The following ABCA9 variants were observed in gnomAD, a reference collection of about 807,000 sequenced individuals.
The protein encoded by ABCA9 is ATP-binding cassette sub-family A member 9.
Under a neutral mutation model 205.3 loss-of-function variants are expected in ABCA9, and 183 were observed. The ratio of observed to expected loss-of-function variants is 0.89; its 90% CI spans 0.79 to 1.01. The LOEUF is 1.01. Among genes scored for constraint, ABCA9 ranks in the 50% least tolerant of loss-of-function variants. The pLI is 0.00. For synonymous variants in ABCA9, 651 were observed against 683.3 expected (o/e 0.95, Z 0.74); for missense variants, 1,805 against 1,912.4 (o/e 0.94, Z 1.05).
At chr17:69,012,379 A>G (rs1450825656) in intron 22 of ABCA9, 2 of 254,746 alleles carry the variant, frequency 7.9e-6, no homozygotes, top group African/African-American at 4.5e-5. Flanking sequence ...CTTTTCTCTG[A>G]CTTTATGGTT....
At chr17:68,987,756 TTG>T (rs2069286589) in intron 31 of ABCA9, among the ~76,000 whole-genome samples, 1 of 88,376 alleles carries the variant, frequency 1.1e-5, no homozygotes, top group African/African-American at 3.0e-5. Context: ...GTTTGTTTGT[TTG>T]TTTGTTTGTT....
rs1567949506 is a variant in ABCA9, at chr17:69,020,598, GATCA to G, written c.2402-16_2402-13del. On this transcript the variant is annotated splice_polypyrimidine_tract_variant and intron_variant, in intron 18 of 38. Transcript: ENST00000340001. ...CCAAATTCCAATATCTAAAACATAA[GATCA>G]ATATTTTATAAAGTGCCATTTTAGT... 1.9e-6 allele frequency: 3 copies of G among 1,605,264 alleles called. No individual in the cohort carries two copies. Among genetic ancestry groups the G allele is most frequent in the Non-Finnish European group, 2.6e-6 (3 of 1,174,414 alleles).
intron 20 of ABCA9, 115 bp downstream of exon 20, chr17:69,018,298 A>G (rs2070699365): frequency 2.1e-6 from 2 of 942,866 alleles, no homozygotes; most frequent in South Asian, 2.6e-5. Context: ...GTTTGGCCTC[A>G]TATATGCTTT....
At chr17:69,012,504 T>G (rs2070417238) in intron 22 of ABCA9, among the ~76,000 whole-genome samples, 1 of 151,874 alleles carries the variant, frequency 6.6e-6, no homozygotes, top group Admixed American at 6.6e-5. Flanking sequence ...CCCTCCATGT[T>G]AGGCACTATG....
At chr17:69,014,888 G>A (rs2070524065) in intron 22 of ABCA9, among the ~76,000 whole-genome samples, 2 of 152,148 alleles carry the variant, frequency 1.3e-5, no homozygotes, top group African/African-American at 4.8e-5. Flanking sequence ...AAGAGACTCT[G>A]CAACCCTGGG....
chr17:69,018,619 C>G lies in ABCA9; in HGVS notation c.2601-40G>C, dbSNP rs2144273225. ...ATGTAAAAGAAAAAAATAATTTTAG[C>G]AACTTTTGTGGGTTTTTAAGTTTGA... On this transcript the variant is annotated intron_variant, in intron 19 of 38. Transcript: ENST00000340001. 3 of 1,485,734 alleles carry G rather than the reference C, an allele frequency of 2.0e-6. No individual in the cohort carries two copies. In the South Asian group the frequency reaches 4.0e-5, roughly 20 times the overall value. The allele number at this position is 1,485,734 out of a possible 1,614,324, so 92.0% of individuals were successfully genotyped here. A position where few individuals can be genotyped will look rare whatever the true frequency, so the allele number is the denominator to read the frequency against.
intron 19 of ABCA9, chr17:69,020,035 C>T: frequency 5.1e-6 from 1 of 195,636 alleles, no homozygotes. Flanking sequence ...GGTTTCATTT[C>T]CCTGGGGAAC....
At position 69,000,925 on chromosome 17, in the gene ABCA9, G is replaced by C. The variant is rs558372423; in HGVS notation, c.3436-4911C>G. ...TCACTCATGATTTGGCTCTCTGTTT[G>C]TCTGTTGTTGTATAGGAATGCTTGT... On this transcript the variant is annotated intron_variant, in intron 25 of 38. Transcript: ENST00000340001. Among the ~76,000 whole-genome samples the C allele has an allele frequency of 7.1e-4, 98 of 137,076 alleles. 1 individual carries two copies. Among genetic ancestry groups the C allele is most frequent in the African/African-American group, 3.5e-3 (95 of 27,278 alleles). The allele number at this position is 137,076 out of a possible 152,430, so 89.9% of individuals were successfully genotyped here. A position where few individuals can be genotyped will look rare whatever the true frequency, so the allele number is the denominator to read the frequency against.
chr17:69,076,179 T>G, the ABCA9 span, among the ~76,000 whole-genome samples: 1 of 152,166 alleles, frequency 6.6e-6, no homozygotes, highest in East Asian at 1.9e-4. Context: ...TCCTATTATT[T>G]TTAGGTAAGT....
intron 10 of ABCA9, among the ~76,000 whole-genome samples, chr17:69,031,827 A>G (rs922390453): frequency 6.6e-6 from 1 of 152,246 alleles, no homozygotes; most frequent in African/African-American, 2.4e-5. Flanking sequence ...AAAAACACAA[A>G]GAGGAGAAAT....
the ABCA9 span, chr17:69,078,870 CT>C: frequency 3.1e-6 from 2 of 647,780 alleles, no homozygotes; most frequent in African/African-American, 3.8e-5. Flanking sequence ...CAAAATATAC[CT>C]GATGTTAATT....
At chr17:69,063,874 CTT>C, upstream of ABCA9, among the ~76,000 whole-genome samples, 1 of 152,258 alleles carries the variant, frequency 6.6e-6, no homozygotes, top group South Asian at 2.1e-4. Context: ...GCCTGGCCCT[CTT>C]TGTTTCTTAA....
rs1431498538 is a variant in ABCA9, at chr17:69,039,805, A to G, written c.800+3684T>C. On this transcript the variant is annotated intron_variant, in intron 6 of 38. Transcript: ENST00000340001. ...GGGAGAAAGTTTTTGCAGTCTATCC[A>G]TCTGACAAAGGTCTACTATCCAGAA... is the stretch of plus-strand genomic sequence containing the variant. 3.3e-5 allele frequency among the ~76,000 whole-genome samples: 5 copies of G among 152,226 alleles called. 1 individual carries two copies. Among genetic ancestry groups the G allele is most frequent in the South Asian group, 2.1e-4 (1 of 4,836 alleles).
chr17:69,029,152 A>C lies in ABCA9; in HGVS notation c.1504+17T>G. On this transcript the variant is annotated intron_variant, in intron 11 of 38. Coordinates refer to ENST00000340001, the MANE Select transcript of ABCA9 (RefSeq NM_080283.4). Reference sequence around the variant, plus strand: ...CTAAATCAAGCAGCCCCATTAAATAAAATATTATTTTATTACCTTTCAAAG... The same window carrying C: ...CTAAATCAAGCAGCCCCATTAAATACAATATTATTTTATTACCTTTCAAAG... 6.8e-7 allele frequency: 1 copy of C among 1,480,832 alleles called. No homozygotes were observed. Among genetic ancestry groups the C allele is most frequent in the Non-Finnish European group, 9.2e-7 (1 of 1,083,842 alleles). The allele number at this position is 1,480,832 out of a possible 1,614,324, so 91.7% of individuals were successfully genotyped here.
intron 25 of ABCA9, among the ~76,000 whole-genome samples, chr17:68,998,630 A>G (rs975708243): frequency 1.3e-5 from 2 of 151,992 alleles, no homozygotes; most frequent in African/African-American, 4.8e-5. Flanking sequence ...GTAACAATGG[A>G]TTTGCTACAT....
At chr17:69,026,308 G>A in intron 16 of ABCA9, 69 bp downstream of exon 16, 1 of 1,276,220 alleles carries the variant, frequency 7.8e-7, no homozygotes, top group Non-Finnish European at 1.1e-6. Context: ...TTTACACATT[G>A]ATGCTGATAC....
At chr17:68,982,765 G>A in intron 36 of ABCA9, 124 bp from the exon 37 acceptor site, 1 of 682,306 alleles carries the variant, frequency 1.5e-6, no homozygotes, top group South Asian at 1.9e-5. Flanking sequence ...TGCAATTTGG[G>A]AGGCCAAGAA....
Position 69,011,197 on chromosome 17 carries a change from G to T in ABCA9, c.3147+779C>A, listed in dbSNP as rs181040855. 2.1e-3 allele frequency among the ~76,000 whole-genome samples: 317 copies of T among 152,198 alleles called. 2 individuals carry two copies. Among genetic ancestry groups the T allele is most frequent in the African/African-American group, 7.5e-3 (311 of 41,522 alleles). ...TCATTTTATAGACGATCAAAATGAGGCATAGAGTGATTAAGTAACTTTTGA... is the reference window on the plus strand; with the variant it reads ...TCATTTTATAGACGATCAAAATGAGTCATAGAGTGATTAAGTAACTTTTGA... On this transcript the variant is annotated intron_variant, in intron 23 of 38. Coordinates refer to ENST00000340001, the MANE Select transcript of ABCA9 (RefSeq NM_080283.4).
chr17:68,996,049 G>A, intron 25 of ABCA9, 35 bp from the exon 26 acceptor site: 7 of 1,586,974 alleles, frequency 4.4e-6, no homozygotes, highest in South Asian at 2.3e-5. Flanking sequence ...TCATTAAAGT[G>A]TACCAATCTG....
Sources: gnomAD v4.1 joint callset for allele counts (sites outside exome capture counted in the v4.1 genomes callset) on GRCh38, gnomAD v4.1.1 for gene constraint, MANE v1.5 for transcripts, NCBI Gene and HGNC (gene_info 2026-07-23, HGNC 2026-07-21) for gene names.